Variants in SLC39A10 observed in about 807,000 individuals in gnomAD.
SLC39A10 encodes the protein solute carrier family 39 member 10, also known as zinc transporter ZIP10.
SLC39A10 carries 13 observed loss-of-function variants against 65.1 expected under a neutral mutation model. That is an observed-to-expected ratio of 0.20 (90% confidence interval 0.13 to 0.32). SLC39A10 has a LOEUF of 0.32. Among genes scored for constraint, SLC39A10 ranks in the 10% least tolerant of loss-of-function variants. The probability of loss-of-function intolerance (pLI) is 1.00; values close to 1 mark genes in which losing one functional copy is unlikely to be tolerated. For synonymous variants in SLC39A10, 321 were observed against 342.2 expected (o/e 0.94, Z 0.68); for missense variants, 831 against 1,018.4 (o/e 0.82, Z 2.50).
At chr2:195,659,472 G>A (rs930825072) in intron 1 of SLC39A10, among the ~76,000 whole-genome samples, 5 of 152,132 alleles carry the variant, frequency 3.3e-5, no homozygotes, top group South Asian at 2.1e-4. Flanking sequence ...GAGAAGATAG[G>A]ATGTAGTATT....
intron 8 of SLC39A10, among the ~76,000 whole-genome samples, chr2:195,723,791 C>G (rs1325127623): frequency 1.3e-5 from 2 of 151,886 alleles, no homozygotes; most frequent in Non-Finnish European, 2.9e-5. Flanking sequence ...GAAAACTTAC[C>G]TATTGGGTAC....
chr2:195,633,117 A>G (rs1023231585), intron 2 of SLC39A10, among the ~76,000 whole-genome samples: 2 of 152,312 alleles, frequency 1.3e-5, no homozygotes, highest in East Asian at 3.9e-4. Context: ...TTTCTCTTCT[A>G]TTTCTCTGAT....
chr2:195,641,685 CTTTTT>C (rs757617526), intron 2 of SLC39A10, among the ~76,000 whole-genome samples: 1 of 128,106 alleles, frequency 7.8e-6, no homozygotes. Flanking sequence ...TAGTATAGTT[CTTTTT>C]TTTTTTTTTT....
chr2:195,620,284 T>C (rs565088377), intron 2 of SLC39A10, among the ~76,000 whole-genome samples: 1 of 152,166 alleles, frequency 6.6e-6, no homozygotes. Flanking sequence ...CCAAGATCAT[T>C]AAAGGGTTAG....
chr2:195,691,401 A>T (rs1559036226), intron 3 of SLC39A10, among the ~76,000 whole-genome samples: 1 of 152,180 alleles, frequency 6.6e-6, no homozygotes, highest in African/African-American at 2.4e-5. Flanking sequence ...TGCTGGATCA[A>T]ATGGTAGATC....
chr2:195,725,179 T>C (rs1444103168), intron 8 of SLC39A10, among the ~76,000 whole-genome samples: 2 of 152,028 alleles, frequency 1.3e-5, no homozygotes, highest in Non-Finnish European at 2.9e-5. Flanking sequence ...TTCTTAAAAA[T>C]AGAAGAAAAT....
chr2:195,624,329 G>A (rs902936623), intron 2 of SLC39A10, among the ~76,000 whole-genome samples: 9 of 148,072 alleles, frequency 6.1e-5, no homozygotes, highest in Non-Finnish European at 8.9e-5. Context: ...AGAGGTTACC[G>A]TGAGCCGAAA....
At chr2:195,683,599 G>A (rs1690414751) in intron 2 of SLC39A10, 100 bp from the exon 3 acceptor site, 1 of 859,512 alleles carries the variant, frequency 1.2e-6, no homozygotes, top group South Asian at 1.7e-5. Context: ...CAGATTATTT[G>A]CAAGTAATAT....
Position 195,683,891 on chromosome 2 carries a change from A to C in SLC39A10, c.1201A>C (p.Asn401His). 6.2e-7 allele frequency: 1 copy of C among 1,611,852 alleles called. No homozygotes were observed. Among genetic ancestry groups the C allele is most frequent in the South Asian group, 1.1e-5 (1 of 90,972 alleles). ...AAACCTGGTTCCTGAAGATGAGGCA[A>C]ATATAGGGGCATCAGGTAAGAGAGA... ...DKNLVPEDEA[N>H]IGASAWICGI... Residue 401 changes from asparagine (N) to histidine (H), a missense_variant, in exon 3 of 10, where the codon AAT becomes CAT. Asn to His is a moderately conservative substitution (Grantham distance 68). Transcript: ENST00000359634.
intron 2 of SLC39A10, among the ~76,000 whole-genome samples, chr2:195,626,862 C>G (rs1224791833): frequency 6.6e-6 from 1 of 152,186 alleles, no homozygotes; most frequent in Non-Finnish European, 1.5e-5. Context: ...AGTTCCTCAT[C>G]TGTATCCCAG....
rs11553708 is a variant in SLC39A10, at chr2:195,660,671, G to C, written c.-12+3390G>C. 2.8e-3 allele frequency among the ~76,000 whole-genome samples: 427 copies of C among 152,220 alleles called. 2 individuals are homozygous for C. The highest frequency in any genetic ancestry group is 5.1e-3 in the Non-Finnish European group (350 of 68,004). On this transcript the variant is annotated intron_variant, in intron 1 of 9. Transcript: ENST00000359634. ...TTTTAGCCCCCAGTTTTCCAAATAG[G>C]GGTGAATTTTGGGTAGAGATAGAAC...
chr2:195,728,756 G>A lies in SLC39A10; in HGVS notation c.2337+407G>A, dbSNP rs1468938011. Reference sequence around the variant, plus strand: ...GGAAGGAAGTGGTATATATTCCATAGGATTTATGTAATTTCTCTTATTTCT... The same window carrying A: ...GGAAGGAAGTGGTATATATTCCATAAGATTTATGTAATTTCTCTTATTTCT... On this transcript the variant is annotated intron_variant, in intron 9 of 9. Coordinates refer to ENST00000359634, the MANE Select transcript of SLC39A10 (RefSeq NM_020342.3). This position sits in a 1 kb window ranked among gnomAD's most constrained non-coding sequence, Gnocchi z 4.4. Among the ~76,000 whole-genome samples the A allele has an allele frequency of 6.6e-6, 1 of 152,052 alleles. No individual in the cohort carries two copies. Among genetic ancestry groups the A allele is most frequent in the East Asian group, 1.9e-4 (1 of 5,202 alleles).
At chr2:195,733,130 A>T (rs1692480363) in intron 9 of SLC39A10, among the ~76,000 whole-genome samples, 1 of 152,190 alleles carries the variant, frequency 6.6e-6, no homozygotes, top group Admixed American at 6.5e-5. Context: ...ACAAATAATG[A>T]TGTTTCTTCC....
chr2:195,652,326 T>A (rs1232173259), upstream of SLC39A10, among the ~76,000 whole-genome samples: 14 of 151,854 alleles, frequency 9.2e-5, no homozygotes, highest in Admixed American at 6.6e-4. Flanking sequence ...GGCGGGTGAA[T>A]CACTTGAGGT....
intron 1 of SLC39A10, among the ~76,000 whole-genome samples, chr2:195,660,216 A>G (rs543586218): frequency 6.6e-6 from 1 of 152,308 alleles, no homozygotes; most frequent in South Asian, 2.1e-4. Context: ...TATAGTGCTT[A>G]CCTCAGTATT....
In SLC39A10 at chr2:195,680,984, A is replaced by G. The variant is rs1313845110; in HGVS notation, c.942A>G (p.Pro314=). Residue 314 remains proline (P), a synonymous_variant, in exon 2 of 10, where the codon CCA becomes CCG. Coordinates refer to ENST00000359634, the MANE Select transcript of SLC39A10 (RefSeq NM_020342.3). Reference sequence around the variant, plus strand: ...GACATACTAGAAAGAGAGAAGCACCACATGTTAAAAATAATGCAATAATTT... The same window carrying G: ...GACATACTAGAAAGAGAGAAGCACCGCATGTTAAAAATAATGCAATAATTT... The part of the protein sequence containing the change: ...ELRHTRKREA[P]HVKNNAIISL... The G allele has an allele frequency of 6.2e-7, 1 of 1,613,886 alleles. No individual in the cohort carries two copies.
intron 2 of SLC39A10, among the ~76,000 whole-genome samples, chr2:195,635,998 C>G (rs1340956405): frequency 6.6e-6 from 1 of 152,170 alleles, no homozygotes; most frequent in Non-Finnish European, 1.5e-5. Flanking sequence ...AAAATGCATA[C>G]TAGGCCAAAA....
intron 8 of SLC39A10, among the ~76,000 whole-genome samples, chr2:195,725,709 A>T (rs1692210985): frequency 6.6e-6 from 1 of 152,222 alleles, no homozygotes; most frequent in African/African-American, 2.4e-5. Flanking sequence ...TGAACAACTT[A>T]AATGTTCTTT....
intron 2 of SLC39A10, among the ~76,000 whole-genome samples, chr2:195,627,045 G>A (rs1688488632): frequency 6.6e-6 from 1 of 152,094 alleles, no homozygotes; most frequent in Non-Finnish European, 1.5e-5. Flanking sequence ...TTATGCATCA[G>A]TATATTCTTA....
Sources: gnomAD v4.1 joint callset for allele counts (sites outside exome capture counted in the v4.1 genomes callset) on GRCh38, gnomAD v4.1.1 for gene constraint, Gnocchi (gnomAD v3.1) non-coding constraint, MANE v1.5 for transcripts, NCBI Gene and HGNC (gene_info 2026-07-23, HGNC 2026-07-21) for gene names.